The following ITGA2B variants were observed in gnomAD, a reference collection of about 807,000 sequenced individuals.
ITGA2B encodes integrin alpha-IIb.
In ITGA2B, 91 loss-of-function variants were observed where a neutral mutation model predicts 142.0. The observed-to-expected ratio is 0.64, with a 90% CI of 0.54 to 0.76. The LOEUF (loss-of-function observed/expected upper bound fraction) is 0.76, where lower values mean the gene tolerates loss of function less well. ITGA2B is among the 30% of genes least tolerant of loss of function. The pLI, the probability that ITGA2B is intolerant of heterozygous loss-of-function variation, is 0.00. For missense variants in ITGA2B, 1,231 were observed against 1,350.8 expected (o/e 0.91, Z 1.39); for synonymous variants, 536 against 567.2 (o/e 0.94, Z 0.78).
chr17:44,389,276 T>A lies in ITGA2B; in HGVS notation c.188+10A>T, dbSNP rs2048677558. 6.2e-7 allele frequency: 1 copy of A among 1,614,050 alleles called. No homozygotes were observed. Among genetic ancestry groups the A allele is most frequent in the Non-Finnish European group, 8.5e-7 (1 of 1,180,008 alleles). The stretch of plus-strand genomic sequence containing the variant: ...TCTCTCCCAATACCCCAACTTCCCT[T>A]ACGGCTCACCTCCCATGGCTGTCCT... On this transcript the variant is annotated intron_variant, in intron 1 of 29. Coordinates refer to ENST00000262407, the MANE Select transcript of ITGA2B (RefSeq NM_000419.5).
rs1238767441 is a variant in ITGA2B at position 44,373,844 on chromosome 17, C to T, written c.3060+510G>A. 1.4e-5 allele frequency: 3 copies of T among 211,562 alleles called. No homozygotes were observed. In the Admixed American group the frequency reaches 1.6e-4, roughly 11 times the overall value. The allele number at this position is 211,562 out of a possible 1,614,324, so 13.1% of individuals were successfully genotyped here. On this transcript the variant is annotated intron_variant, in intron 29 of 29. Coordinates refer to ENST00000262407, the MANE Select transcript of ITGA2B (RefSeq NM_000419.5). ...AGTGGTATGTGTCTGGAAGGGTTCC[C>T]AGGAGAATGACATTTTTGTGTTTGT...
At position 44,389,508 on chromosome 17, in the gene ITGA2B, G is replaced by T; in HGVS notation, c.-35C>A. 6.2e-7 allele frequency: 1 copy of T among 1,606,686 alleles called. No individual in the cohort carries two copies. The stretch of plus-strand genomic sequence containing the variant: ...TCCACAACCTCCCAGGCAGGAATGG[G>T]CCAGCTCCTCCTCCTTCCCTTCAGA... On this transcript the variant is annotated 5_prime_UTR_variant, in exon 1 of 30. Transcript: ENST00000262407.
intron 18 of ITGA2B, among the ~76,000 whole-genome samples, chr17:44,379,329 C>T (rs1393905045): frequency 6.6e-6 from 1 of 150,892 alleles, no homozygotes; most frequent in Non-Finnish European, 1.5e-5. Context: ...TGGCTCACTG[C>T]AACCTCTGCC....
rs1409105813 is a variant in ITGA2B, at chr17:44,389,636, A to G, written c.-163T>C. On this transcript the variant is annotated 5_prime_UTR_variant, in exon 1 of 30. Coordinates refer to ENST00000262407, the MANE Select transcript of ITGA2B (RefSeq NM_000419.5). ...TAGCCCCTGGACTCATGGTGGCTAG[A>G]ATTGCCAGGAAGTGGGTGAGGCCAC... 2 of 777,482 alleles carry G rather than the reference A, an allele frequency of 2.6e-6. No homozygotes were observed. Among genetic ancestry groups the G allele is most frequent in the Non-Finnish European group, 4.1e-6 (2 of 487,908 alleles). The allele number at this position is 777,482 out of a possible 1,614,324, so 48.2% of individuals were successfully genotyped here. A position where few individuals can be genotyped will look rare whatever the true frequency, so the allele number is the denominator to read the frequency against.
chr17:44,375,309 G>A, intron 26 of ITGA2B, 198 bp from the exon 27 acceptor site: 1 of 651,902 alleles, frequency 1.5e-6, no homozygotes, highest in Non-Finnish European at 2.7e-6. Context: ...GAGATGCAGG[G>A]AGGGTCATCC....
intron 29 of ITGA2B, among the ~76,000 whole-genome samples, chr17:44,372,800 T>C (rs2048508488): frequency 6.6e-6 from 1 of 151,788 alleles, no homozygotes; most frequent in African/African-American, 2.4e-5. Flanking sequence ...AGCTAATTTT[T>C]AGTAGAGACA....
chr17:44,380,202 G>A (rs2143460203), intron 16 of ITGA2B, 44 bp downstream of exon 16: 2 of 1,614,046 alleles, frequency 1.2e-6, no homozygotes, highest in Non-Finnish European at 1.7e-6. Context: ...AGCCTCCGGG[G>A]GAGTCCAAGC....
intron 4 of ITGA2B, 74 bp downstream of exon 4, chr17:44,385,477 C>T (rs1179819152): frequency 6.7e-7 from 1 of 1,487,608 alleles, no homozygotes; most frequent in Non-Finnish European, 9.0e-7. Flanking sequence ...GGCTGCGGCG[C>T]TGGGGGCGGG....
intron 18 of ITGA2B, 32 bp downstream of exon 18, chr17:44,379,657 C>T (rs1370386233): frequency 4.3e-6 from 7 of 1,613,638 alleles, no homozygotes; most frequent in Admixed American, 1.7e-5. Context: ...AGGGGTCCTG[C>T]ACCTCCCTGG....
rs78657866 is a variant in ITGA2B at position 44,374,470 on chromosome 17, C to T, written c.2944G>A (p.Val982Met). ...AAGGCCCGGAGCAGCTGTGTCCACA[C>T]CTGGGGGCAAACCCACGTGTCTCCT... ...PLSLPRGEAQ[V>M]WTQLLRALEE... Residue 982 changes from valine (V) to methionine (M), a missense_variant and splice_region_variant, in exon 29 of 30, where the codon GTG (valine) becomes ATG (methionine). Val to Met is a conservative substitution (Grantham distance 21, BLOSUM62 1). Around this residue, in one of 3 missense-constraint regions of ITGA2B, gnomAD observed 908 missense variants for 1,021.1 expected, o/e 0.89. Coordinates refer to ENST00000262407, the MANE Select transcript of ITGA2B (RefSeq NM_000419.5). The T allele has an allele frequency of 3.7e-6, 6 of 1,613,696 alleles. No individual in the cohort carries two copies. Among genetic ancestry groups the T allele is most frequent in the Non-Finnish European group, 5.1e-6 (6 of 1,179,760 alleles).
At chr17:44,381,953 C>G (rs555456749) in intron 12 of ITGA2B, among the ~76,000 whole-genome samples, 2 of 152,212 alleles carry the variant, frequency 1.3e-5, no homozygotes, top group South Asian at 4.1e-4. Flanking sequence ...CTAGCCTTCT[C>G]CATTCCATCA....
In ITGA2B at chr17:44,376,268, C is replaced by G. The variant is rs1387773136; in HGVS notation, c.2348+40G>C. On this transcript the variant is annotated intron_variant, in intron 23 of 29. Coordinates refer to ENST00000262407, the MANE Select transcript of ITGA2B (RefSeq NM_000419.5). ...CCCCAGCGCCCCCTGGAGTTTAGAG[C>G]CCTGAATGCCATCTCCCTTCTCCAC... 14 of 1,613,656 alleles carry G rather than the reference C, an allele frequency of 8.7e-6. No homozygotes were observed. The Admixed American group carries it at 2.3e-4, about 27-fold the overall frequency.
At chr17:44,375,217 A>G in intron 26 of ITGA2B, 106 bp from the exon 27 acceptor site, 2 of 938,400 alleles carry the variant, frequency 2.1e-6, no homozygotes, top group South Asian at 1.4e-5. Context: ...GGGGTTCAGG[A>G]AGCGGTGGCC....
rs1244708771 is a variant in ITGA2B, at chr17:44,379,886, G to A, written c.1753-72C>T. The A allele has an allele frequency of 6.8e-6, 11 of 1,612,296 alleles. 1 individual carries two copies. The highest frequency in any genetic ancestry group is 1.7e-4 in the Middle Eastern group (1 of 5,978). On this transcript the variant is annotated intron_variant, in intron 17 of 29. Coordinates refer to ENST00000262407, the MANE Select transcript of ITGA2B (RefSeq NM_000419.5). Reference sequence around the variant, plus strand: ...CACCTTCTCCTGGCCAGTAGGCACCGTGTCCTGACCACCCCCGGACTCACA... The same window carrying A: ...CACCTTCTCCTGGCCAGTAGGCACCATGTCCTGACCACCCCCGGACTCACA...
chr17:44,379,604 T>C, intron 18 of ITGA2B, 85 bp downstream of exon 18: 1 of 1,602,358 alleles, frequency 6.2e-7, no homozygotes, highest in Non-Finnish European at 8.5e-7. Context: ...GTTTTGGGGT[T>C]CACATTGTGA....
intron 28 of ITGA2B, 49 bp downstream of exon 28, chr17:44,374,610 G>T (rs779628412): frequency 6.4e-7 from 1 of 1,566,790 alleles, no homozygotes; most frequent in Non-Finnish European, 8.8e-7. Flanking sequence ...CTGACTGGGG[G>T]ACAATGGGTC....
At position 44,380,490 on chromosome 17, in the gene ITGA2B, T is replaced by A; in HGVS notation, c.1440A>T (p.Arg480Ser). ...AYGANQVAVY[R>S]AQPVVKASVQ... ...CAGAGGCCTTCACCACTGGCTGAGC[T>A]CTGATGGGATAGGGTGATGGGGTAG... The change falls in exon 15 of 30, where the codon AGA (arginine) becomes AGT (serine). Residue 480 changes from arginine (R) to serine (S), a missense_variant and splice_region_variant. Coordinates refer to ENST00000262407, the MANE Select transcript of ITGA2B (RefSeq NM_000419.5). The A allele has an allele frequency of 6.2e-7, 1 of 1,614,030 alleles. No homozygotes were observed. The highest frequency in any genetic ancestry group is 8.5e-7 in the Non-Finnish European group (1 of 1,179,964).
intron 11 of ITGA2B, 23 bp downstream of exon 11, chr17:44,383,871 G>T (rs974201630): frequency 1.9e-6 from 3 of 1,612,570 alleles, no homozygotes; most frequent in Middle Eastern, 1.8e-4. Context: ...AACTGGGTAG[G>T]GGTGGGGCAT....
At chr17:44,389,160 C>A in intron 1 of ITGA2B, 126 bp downstream of exon 1, 1 of 1,075,436 alleles carries the variant, frequency 9.3e-7, no homozygotes, top group Non-Finnish European at 1.4e-6. Flanking sequence ...AAGAAATCAA[C>A]CTGAATAGGC....
Sources: gnomAD v4.1 joint callset for allele counts (sites outside exome capture counted in the v4.1 genomes callset) on GRCh38, gnomAD v4.1.1 for gene constraint, gnomAD v4.1.1 regional missense constraint, MANE v1.5 for transcripts, NCBI Gene and HGNC (gene_info 2026-07-23, HGNC 2026-07-21) for gene names.